ACOT13: variants seen among roughly 807,000 people sequenced by gnomAD.
ACOT13 encodes acyl-coenzyme A thioesterase 13.
In ACOT13, 10 loss-of-function variants were observed where a neutral mutation model predicts 11.8. The observed-to-expected ratio is 0.85, with a 90% CI of 0.53 to 1.44. The LOEUF (loss-of-function observed/expected upper bound fraction) is 1.44. Among genes scored for constraint, ACOT13 ranks in the 40% most tolerant of loss-of-function variants. The pLI is 0.00. For synonymous variants in ACOT13, 53 were observed against 61.0 expected (o/e 0.87, Z 0.61); for missense variants, 172 against 174.1 (o/e 0.99, Z 0.07).
At position 24,704,528 on chromosome 6, in the gene ACOT13, T is replaced by C. The variant is rs893101289; in HGVS notation, c.*2913T>C. 11 of 152,182 alleles carry C rather than the reference T, an allele frequency of 7.2e-5. No individual in the cohort carries two copies. The highest frequency in any genetic ancestry group is 6.5e-4 in the Admixed American group (10 of 15,268). 9.4% of individuals were successfully genotyped at this position (152,182 alleles called of 1,614,324 possible). On this transcript the variant is annotated 3_prime_UTR_variant, in exon 3 of 3. Coordinates refer to ENST00000230048, the MANE Select transcript of ACOT13 (RefSeq NM_018473.4). ...CCTCTGCATCTATTTCCACCAAAGG[T>C]TGAGAGGTTAAGACAAGAGCTTAGA... is the stretch of plus-strand genomic sequence containing the variant.
At chr6:24,679,287 C>T (rs952040819) in intron 1 of ACOT13, among the ~76,000 whole-genome samples, 2 of 152,008 alleles carry the variant, frequency 1.3e-5, no homozygotes, top group African/African-American at 4.8e-5. Context: ...TATAAAAAAC[C>T]GAGGTTGCCA....
At chr6:24,669,124 A>C (rs1292020560) in intron 1 of ACOT13, among the ~76,000 whole-genome samples, 1 of 152,236 alleles carries the variant, frequency 6.6e-6, no homozygotes, top group East Asian at 1.9e-4. Flanking sequence ...GTATCAGTTA[A>C]TTTAGAAAGT....
intron 1 of ACOT13, among the ~76,000 whole-genome samples, chr6:24,685,268 T>A (rs1049613713): frequency 6.6e-6 from 1 of 152,026 alleles, no homozygotes; most frequent in East Asian, 1.9e-4. Context: ...AGGGATAAAG[T>A]ATGTATTTAT....
rs182751701 is a variant in ACOT13, at chr6:24,695,296, G to A, written c.82-2587G>A. Among the ~76,000 whole-genome samples, 5 of 152,148 alleles carry A rather than the reference G, an allele frequency of 3.3e-5. No individual in the cohort carries two copies. In the East Asian group the frequency reaches 5.8e-4, roughly 18 times the overall value. ...TGCACTCCAGCCTGGGTGACAGAGC[G>A]AGACTCTGTCTCAAAAAACAAAAAC... On this transcript the variant is annotated intron_variant, in intron 1 of 2. Transcript: ENST00000230048.
intron 1 of ACOT13, among the ~76,000 whole-genome samples, chr6:24,677,327 A>G (rs1045634417): frequency 6.6e-6 from 1 of 152,238 alleles, no homozygotes; most frequent in Non-Finnish European, 1.5e-5. Flanking sequence ...ATAGAGCCTG[A>G]TATTTAAGTA....
At chr6:24,691,829 A>T (rs1269872665) in intron 1 of ACOT13, among the ~76,000 whole-genome samples, 1 of 152,228 alleles carries the variant, frequency 6.6e-6, no homozygotes, top group Non-Finnish European at 1.5e-5. Context: ...ATGAGGTCGC[A>T]TTGGGATAAG....
At chr6:24,689,875 ATATAAG>A (rs1183629512) in intron 1 of ACOT13, among the ~76,000 whole-genome samples, 1 of 152,186 alleles carries the variant, frequency 6.6e-6, no homozygotes, top group Non-Finnish European at 1.5e-5. Context: ...CTCACAGCAA[ATATAAG>A]TATTTTATAA....
At chr6:24,689,325 CCA>C (rs1426327663) in intron 1 of ACOT13, among the ~76,000 whole-genome samples, 1 of 152,048 alleles carries the variant, frequency 6.6e-6, no homozygotes, top group African/African-American at 2.4e-5. Flanking sequence ...GTAGGGAATA[CCA>C]CACAGCTATT....
chr6:24,677,447 T>C (rs1019862265), intron 1 of ACOT13, among the ~76,000 whole-genome samples: 8 of 152,254 alleles, frequency 5.3e-5, no homozygotes, highest in Admixed American at 3.9e-4. Context: ...CTGCTTCAGA[T>C]ACTAAGACTG....
At chr6:24,685,075 A>G (rs1778608148) in intron 1 of ACOT13, among the ~76,000 whole-genome samples, 1 of 152,004 alleles carries the variant, frequency 6.6e-6, no homozygotes. Flanking sequence ...TTTGAAATCC[A>G]GTGTGAATTT....
intron 2 of ACOT13, among the ~76,000 whole-genome samples, chr6:24,699,966 CAAAAGTTA>C (rs1171901903): frequency 3.9e-5 from 6 of 152,190 alleles, no homozygotes; most frequent in Non-Finnish European, 5.9e-5. Context: ...CATGGTCTTT[CAAAAGTTA>C]GAGATATTTC....
chr6:24,676,402 T>C (rs1778455347), intron 1 of ACOT13, among the ~76,000 whole-genome samples: 2 of 152,056 alleles, frequency 1.3e-5, no homozygotes, highest in African/African-American at 4.8e-5. Flanking sequence ...TTTATTTCGT[T>C]GAGCAGTGGT....
At chr6:24,673,258 G>A (rs1040494438) in intron 1 of ACOT13, among the ~76,000 whole-genome samples, 4 of 151,900 alleles carry the variant, frequency 2.6e-5, no homozygotes, top group African/African-American at 4.8e-5. Context: ...ACTTCCTTTA[G>A]ACCTTTAAGA....
At chr6:24,683,250 T>C (rs984823989) in intron 1 of ACOT13, among the ~76,000 whole-genome samples, 1 of 152,188 alleles carries the variant, frequency 6.6e-6, no homozygotes, top group African/African-American at 2.4e-5. Context: ...AGAAAGTTTA[T>C]TTTGCAGTTG....
intron 1 of ACOT13, among the ~76,000 whole-genome samples, chr6:24,674,959 T>A (rs1354956057): frequency 1.4e-5 from 2 of 143,254 alleles, no homozygotes; most frequent in African/African-American, 5.2e-5. Context: ...TCAGTTCCCA[T>A]CTATGAGTGA....
intron 2 of ACOT13, among the ~76,000 whole-genome samples, chr6:24,700,198 C>G (rs1249600128): frequency 2.0e-5 from 3 of 152,166 alleles, no homozygotes; most frequent in Non-Finnish European, 4.4e-5. Context: ...AAATGTCAAT[C>G]TCCAAATTCC....
chr6:24,681,402 G>A (rs765554979), intron 1 of ACOT13, among the ~76,000 whole-genome samples: 6 of 152,244 alleles, frequency 3.9e-5, no homozygotes, highest in Non-Finnish European at 8.8e-5. Context: ...ATTGACAACA[G>A]TGGTATTGGA....
chr6:24,693,655 T>G (rs1778750019), intron 1 of ACOT13, among the ~76,000 whole-genome samples: 1 of 152,064 alleles, frequency 6.6e-6, no homozygotes, highest in Non-Finnish European at 1.5e-5. Flanking sequence ...CTGTGTCATG[T>G]GGAGTGTCTC....
intron 1 of ACOT13, among the ~76,000 whole-genome samples, chr6:24,679,960 G>A (rs1778520164): frequency 6.6e-6 from 1 of 152,174 alleles, no homozygotes; most frequent in Admixed American, 6.5e-5. Flanking sequence ...ATTGCTTGGA[G>A]GGGGCATAAT....
Sources: allele counts gnomAD v4.1 joint callset (sites outside exome capture counted in the v4.1 genomes callset), GRCh38; gene constraint gnomAD v4.1.1; transcripts MANE v1.5; gene names NCBI Gene and HGNC (gene_info 2026-07-23, HGNC 2026-07-21).